Variants in RBFOX1 observed in about 807,000 individuals in gnomAD.
The protein encoded by RBFOX1 is RNA binding fox-1 homolog 1, also known as RNA binding protein fox-1 homolog 1.
RBFOX1 carries 8 observed loss-of-function variants against 57.7 expected under a neutral mutation model. The ratio of observed to expected loss-of-function variants is 0.14; its 90% CI spans 0.08 to 0.25. The LOEUF is 0.25. RBFOX1 is among the 10% of genes least tolerant of loss of function. The pLI, the probability that RBFOX1 is intolerant of heterozygous loss-of-function variation, is 1.00. For synonymous variants in RBFOX1, 326 were observed against 222.4 expected (o/e 1.47, Z -4.15); for missense variants, 611 against 548.5 (o/e 1.11, Z -1.14).
intron 3 of RBFOX1, among the ~76,000 whole-genome samples, chr16:5,725,010 T>C (rs1361690190): frequency 6.6e-6 from 1 of 152,146 alleles, no homozygotes; most frequent in Non-Finnish European, 1.5e-5. Context: ...AGGTTCCTTA[T>C]TGGGTGGTGA....
chr16:6,931,692 G>C (rs1044627218), intron 3 of RBFOX1, among the ~76,000 whole-genome samples: 1 of 152,192 alleles, frequency 6.6e-6, no homozygotes, highest in Non-Finnish European at 1.5e-5. Context: ...CTCAAAGTCA[G>C]ACAGTTTCTA....
intron 3 of RBFOX1, among the ~76,000 whole-genome samples, chr16:7,041,362 G>A (rs2046126610): frequency 6.6e-6 from 1 of 152,020 alleles, no homozygotes. Context: ...GCTCTCAAAG[G>A]GCAATGCATT....
chr16:6,946,836 GA>G (rs2079628620), intron 3 of RBFOX1, among the ~76,000 whole-genome samples: 1 of 152,140 alleles, frequency 6.6e-6, no homozygotes, highest in Non-Finnish European at 1.5e-5. Flanking sequence ...TCCAGTTTCT[GA>G]ATCTCAAGCA....
In RBFOX1 at chr16:7,519,910, G is replaced by C. The variant is rs545729968; in HGVS notation, c.270+1521G>C. 1.1e-4 allele frequency among the ~76,000 whole-genome samples: 17 copies of C among 152,102 alleles called. No homozygotes were observed. The South Asian group carries it at 3.3e-3, about 30-fold the overall frequency. ...TTTTTGTTTTTGTTTTTTTGAGATGGGGTCTCACTCTGTTGCCCAGGCTGG... is the reference window on the plus strand; with the variant it reads ...TTTTTGTTTTTGTTTTTTTGAGATGCGGTCTCACTCTGTTGCCCAGGCTGG... On this transcript the variant is annotated intron_variant, in intron 5 of 15. Coordinates refer to ENST00000550418, the MANE Select transcript of RBFOX1 (RefSeq NM_018723.4).
chr16:5,255,322 T>TTCCATCCATCCATCCATCCG (rs2062557865), intron 1 of RBFOX1, among the ~76,000 whole-genome samples: 2 of 119,372 alleles, frequency 1.7e-5, no homozygotes, highest in Non-Finnish European at 3.6e-5. Context: ...CCACACTTCC[T>TTCCATCCATCCATCCATCCG]TCCATCCATC....
chr16:7,013,632 G>A (rs914868598), intron 3 of RBFOX1, among the ~76,000 whole-genome samples: 2 of 152,192 alleles, frequency 1.3e-5, no homozygotes, highest in African/African-American at 4.8e-5. Flanking sequence ...AATCAGGGAG[G>A]AGGGAGGATG....
chr16:5,320,830 C>G (rs1356932380), intron 1 of RBFOX1, among the ~76,000 whole-genome samples: 1 of 152,236 alleles, frequency 6.6e-6, no homozygotes, highest in East Asian at 1.9e-4. Context: ...CCAGGAAGCC[C>G]TAGGCACGAG....
intron 4 of RBFOX1, among the ~76,000 whole-genome samples, chr16:7,394,800 C>T (rs760298231): frequency 6.6e-6 from 1 of 152,116 alleles, no homozygotes; most frequent in Non-Finnish European, 1.5e-5. Context: ...ATGATCAGAT[C>T]GCTGCTGCAG....
chr16:5,555,197 G>A (rs1307159574), intron 2 of RBFOX1, among the ~76,000 whole-genome samples: 3 of 152,072 alleles, frequency 2.0e-5, no homozygotes, highest in South Asian at 2.1e-4. Context: ...TGGATAGAAT[G>A]GAACTATTAG....
At chr16:5,918,821 C>T (rs564236248) in intron 4 of RBFOX1, among the ~76,000 whole-genome samples, 1 of 152,220 alleles carries the variant, frequency 6.6e-6, no homozygotes, top group African/African-American at 2.4e-5. Flanking sequence ...TGCAACAAAG[C>T]AGGCTTGGCC....
chr16:5,665,192 C>G (rs971388279), intron 3 of RBFOX1, among the ~76,000 whole-genome samples: 2 of 151,032 alleles, frequency 1.3e-5, no homozygotes, highest in Non-Finnish European at 2.9e-5. Flanking sequence ...CTCAGGCGAT[C>G]CTCCCACCTT....
chr16:6,348,465 T>G (rs1239126412), intron 2 of RBFOX1, among the ~76,000 whole-genome samples: 2 of 152,170 alleles, frequency 1.3e-5, no homozygotes, highest in East Asian at 3.9e-4. Context: ...CTACTCATGC[T>G]TGGTGAGATG....
intron 3 of RBFOX1, among the ~76,000 whole-genome samples, chr16:5,787,211 C>G (rs902646056): frequency 4.6e-5 from 7 of 152,310 alleles, no homozygotes; most frequent in African/African-American, 1.7e-4. Flanking sequence ...CCACAGGGCC[C>G]TTTCACTGGG....
intron 2 of RBFOX1, among the ~76,000 whole-genome samples, chr16:6,352,568 G>C (rs777383886): frequency 2.0e-5 from 3 of 152,102 alleles, no homozygotes; most frequent in Non-Finnish European, 4.4e-5. Flanking sequence ...AGTGGAGATA[G>C]CAAAACAAAA....
intron 2 of RBFOX1, among the ~76,000 whole-genome samples, chr16:5,476,853 C>A (rs1479229320): frequency 6.6e-6 from 1 of 152,102 alleles, no homozygotes; most frequent in South Asian, 2.1e-4. Context: ...TCCAGGCAGC[C>A]CTCCAAGTTA....
chr16:7,339,851 A>G lies in RBFOX1; in HGVS notation c.28-178296A>G, dbSNP rs1031784014. 1.3e-5 allele frequency among the ~76,000 whole-genome samples: 2 copies of G among 152,354 alleles called. 1 individual carries two copies. The highest frequency in any genetic ancestry group is 6.8e-3 in the Middle Eastern group (2 of 294). On this transcript the variant is annotated intron_variant, in intron 4 of 15. Transcript: ENST00000550418. ...TCCAGCTTCAGGCACTATTGAATTC[A>G]GGAATTTTGACAAGCCAAGGGCTGT...
intron 3 of RBFOX1, among the ~76,000 whole-genome samples, chr16:6,934,697 C>T (rs1052036605): frequency 1.5e-5 from 2 of 131,514 alleles, no homozygotes; most frequent in Non-Finnish European, 3.0e-5. Context: ...AATATGATCT[C>T]GAGATTTTTT....
chr16:6,570,212 T>C (rs1471568302), intron 2 of RBFOX1, among the ~76,000 whole-genome samples: 1 of 152,214 alleles, frequency 6.6e-6, no homozygotes, highest in African/African-American at 2.4e-5. Context: ...CATGGATTTA[T>C]ATTTTCAGTT....
At chr16:7,079,677 A>G (rs2058857617) in intron 4 of RBFOX1, among the ~76,000 whole-genome samples, 1 of 151,992 alleles carries the variant, frequency 6.6e-6, no homozygotes, top group African/African-American at 2.4e-5. Context: ...AAAAGTAAAC[A>G]TTTTCCTGCA....
Sources: allele counts gnomAD v4.1 joint callset (sites outside exome capture counted in the v4.1 genomes callset), GRCh38; gene constraint gnomAD v4.1.1; transcripts MANE v1.5; gene names NCBI Gene and HGNC (gene_info 2026-07-23, HGNC 2026-07-21).